The following CSNK1G1 variants were observed in gnomAD, a reference collection of about 807,000 sequenced individuals.
CSNK1G1 encodes casein kinase 1 gamma 1.
CSNK1G1 carries 22 observed loss-of-function variants against 59.6 expected under a neutral mutation model. That is an observed-to-expected ratio of 0.37 (90% confidence interval 0.26 to 0.53). The LOEUF is 0.53. Among genes scored for constraint, CSNK1G1 ranks in the 20% least tolerant of loss-of-function variants. The probability of loss-of-function intolerance (pLI) is 0.89; values close to 1 mark genes in which losing one functional copy is unlikely to be tolerated. For missense variants in CSNK1G1, 384 were observed against 519.5 expected (o/e 0.74, Z 2.54); for synonymous variants, 179 against 177.1 (o/e 1.01, Z -0.08).
At chr15:64,286,372 A>C (rs530902530) in intron 2 of CSNK1G1, among the ~76,000 whole-genome samples, 1 of 151,444 alleles carries the variant, frequency 6.6e-6, no homozygotes, top group Non-Finnish European at 1.5e-5. Context: ...TATTGTTAAC[A>C]ATATTGTTAA....
rs1895276146 is a variant in CSNK1G1 at position 64,300,640 on chromosome 15, A to G, written c.-141T>C. 6.1e-6 allele frequency: 8 copies of G among 1,318,462 alleles called. No individual in the cohort carries two copies. Among genetic ancestry groups the G allele is most frequent in the Admixed American group, 3.4e-5 (1 of 29,206 alleles). 81.7% of individuals were successfully genotyped at this position (1,318,462 alleles called of 1,614,324 possible). On this transcript the variant is annotated 5_prime_UTR_variant, in exon 2 of 12. Transcript: ENST00000303052. ...TTAGCACCATATTTGTTTGTAATGT[A>G]TCTCCGGGAGATGAAAAACCATTTA...
chr15:64,167,759 C>T lies in CSNK1G1; in HGVS notation c.*4172G>A, dbSNP rs1458048805. Reference sequence around the variant, plus strand: ...GAAGAGGTGGCTGGAACACAGGAGGCATGTGGGCTTGGGAGATGCATCAAA... The same window carrying T: ...GAAGAGGTGGCTGGAACACAGGAGGTATGTGGGCTTGGGAGATGCATCAAA... On this transcript the variant is annotated 3_prime_UTR_variant, in exon 12 of 12. Transcript: ENST00000303052. 6.6e-6 allele frequency: 1 copy of T among 152,630 alleles called. No homozygotes were observed. Among genetic ancestry groups the T allele is most frequent in the Non-Finnish European group, 1.5e-5 (1 of 68,042 alleles). The allele number at this position is 152,630 out of a possible 1,614,324, so 9.5% of individuals were successfully genotyped here. A position where few individuals can be genotyped will look rare whatever the true frequency, so the allele number is the denominator to read the frequency against.
chr15:64,172,542 C>T (rs559485276), intron 11 of CSNK1G1, among the ~76,000 whole-genome samples: 8 of 152,264 alleles, frequency 5.3e-5, no homozygotes, highest in South Asian at 2.1e-4. Context: ...CCTCACCCAC[C>T]GAAGTAGGCA....
chr15:64,257,223 T>C (rs2140327016), intron 3 of CSNK1G1, among the ~76,000 whole-genome samples: 1 of 151,890 alleles, frequency 6.6e-6, no homozygotes, highest in Non-Finnish European at 1.5e-5. Flanking sequence ...GGAAATGAAA[T>C]GTAACGATCA....
chr15:64,352,610 T>C (rs1428003580), intron 1 of CSNK1G1, among the ~76,000 whole-genome samples: 1 of 150,452 alleles, frequency 6.6e-6, no homozygotes, highest in Non-Finnish European at 1.5e-5. Context: ...CATGCCTGAC[T>C]AATGTTGTAT....
chr15:64,322,759 G>A (rs531415121), intron 1 of CSNK1G1, among the ~76,000 whole-genome samples: 5 of 152,246 alleles, frequency 3.3e-5, no homozygotes, highest in Non-Finnish European at 7.4e-5. Context: ...CTTAAGTCCA[G>A]GAGGCAGAGC....
intron 10 of CSNK1G1, chr15:64,194,312 T>C (rs1428287368): frequency 6.6e-6 from 1 of 150,736 alleles, no homozygotes; most frequent in Non-Finnish European, 1.5e-5. Flanking sequence ...CAGTACTCTG[T>C]AAAAAGACAG....
chr15:64,317,206 A>G (rs1425697590), intron 1 of CSNK1G1, among the ~76,000 whole-genome samples: 1 of 152,120 alleles, frequency 6.6e-6, no homozygotes, highest in Non-Finnish European at 1.5e-5. Flanking sequence ...TTCCTGCTTC[A>G]GCCTCCTATG....
chr15:64,198,192 CTTTTTTTTTT>C (rs893282431), intron 10 of CSNK1G1, among the ~76,000 whole-genome samples: 7 of 110,564 alleles, frequency 6.3e-5, no homozygotes, highest in South Asian at 5.8e-4. Flanking sequence ...ACAGGATATA[CTTTTTTTTTT>C]TTTTTTTTTT....
At chr15:64,277,631 TAATATTAATATATTTAATAATATAGC>T (rs1566930074) in intron 2 of CSNK1G1, among the ~76,000 whole-genome samples, 3 of 137,608 alleles carry the variant, frequency 2.2e-5, no homozygotes, top group Non-Finnish European at 3.1e-5. Context: ...TTTAATATAT[TAATATTAATATATTTAATAATATAGC>T]AATATTGATA....
At chr15:64,297,812 G>C (rs1895110278) in intron 2 of CSNK1G1, among the ~76,000 whole-genome samples, 2 of 148,414 alleles carry the variant, frequency 1.3e-5, no homozygotes, top group African/African-American at 5.3e-5. Flanking sequence ...CATGATGTAG[G>C]CTGACTGCAC....
At chr15:64,344,276 C>T (rs769375780) in intron 1 of CSNK1G1, among the ~76,000 whole-genome samples, 10 of 152,064 alleles carry the variant, frequency 6.6e-5, no homozygotes, top group Non-Finnish European at 1.3e-4. Context: ...TCCTTCAAGC[C>T]CTGAATTCAC....
At chr15:64,297,712 G>A (rs1895104571) in intron 2 of CSNK1G1, among the ~76,000 whole-genome samples, 1 of 150,504 alleles carries the variant, frequency 6.6e-6, no homozygotes, top group African/African-American at 2.5e-5. Context: ...AAAAAAAAAA[G>A]AATAAGAAGA....
chr15:64,275,667 G>C (rs1754197960), intron 2 of CSNK1G1, among the ~76,000 whole-genome samples: 1 of 152,046 alleles, frequency 6.6e-6, no homozygotes, highest in South Asian at 2.1e-4. Context: ...GTTTTCTAAA[G>C]TGTAGAACAT....
intron 1 of CSNK1G1, among the ~76,000 whole-genome samples, chr15:64,339,804 T>G (rs150774088): frequency 1.3e-5 from 2 of 152,130 alleles, no homozygotes; most frequent in Non-Finnish European, 2.9e-5. Flanking sequence ...TCAAGAGGAG[T>G]GACTGACAGT....
rs989976282 is a variant in CSNK1G1, at chr15:64,180,242, T to C, written c.1214+106A>G. On this transcript the variant is annotated intron_variant, in intron 11 of 11. Transcript: ENST00000303052. ...AACAGTTAAGGAAGAAAGCTGTGGTTACAAGCATGAGAAATCCAGTCTGAG... is the reference window on the plus strand; with the variant it reads ...AACAGTTAAGGAAGAAAGCTGTGGTCACAAGCATGAGAAATCCAGTCTGAG... 1.5e-5 allele frequency: 12 copies of C among 817,068 alleles called. No individual in the cohort carries two copies. The African/African-American group carries it at 1.5e-4, about 10-fold the overall frequency. The allele number at this position is 817,068 out of a possible 1,614,324, so 50.6% of individuals were successfully genotyped here. A position where few individuals can be genotyped will look rare whatever the true frequency, so the allele number is the denominator to read the frequency against.
chr15:64,238,558 C>T (rs1466713404), intron 4 of CSNK1G1, among the ~76,000 whole-genome samples: 1 of 123,730 alleles, frequency 8.1e-6, no homozygotes, highest in Non-Finnish European at 1.6e-5. Context: ...AAAAAACCCA[C>T]ATTCCTAGTG....
chr15:64,257,421 T>G (rs1041336687), intron 3 of CSNK1G1, among the ~76,000 whole-genome samples: 1 of 152,158 alleles, frequency 6.6e-6, no homozygotes, highest in East Asian at 1.9e-4. Context: ...CAAAGATTAT[T>G]CCAACTTATC....
At chr15:64,268,017 T>A (rs1893076585) in intron 2 of CSNK1G1, among the ~76,000 whole-genome samples, 3 of 152,088 alleles carry the variant, frequency 2.0e-5, no homozygotes, top group Admixed American at 2.0e-4. Context: ...AGGAAACCAG[T>A]ATGCCAAAAA....
Sources: gnomAD v4.1 joint callset for allele counts (sites outside exome capture counted in the v4.1 genomes callset) on GRCh38, gnomAD v4.1.1 for gene constraint, MANE v1.5 for transcripts, NCBI Gene and HGNC (gene_info 2026-07-23, HGNC 2026-07-21) for gene names.